Variants in LHFPL6 observed in about 807,000 individuals in gnomAD.
LHFPL6 encodes LHFPL tetraspan subfamily member 6, also known as LHFPL tetraspan subfamily member 6 protein.
In LHFPL6, 9 loss-of-function variants were observed where a neutral mutation model predicts 20.6. The observed-to-expected ratio is 0.44, with a 90% CI of 0.26 to 0.76. LHFPL6 has a LOEUF of 0.76. Among genes scored for constraint, LHFPL6 ranks in the 30% least tolerant of loss-of-function variants. LHFPL6 has a pLI of 0.20. For synonymous variants in LHFPL6, 105 were observed against 98.7 expected (o/e 1.06, Z -0.38); for missense variants, 218 against 253.5 (o/e 0.86, Z 0.95).
chr13:39,567,385 C>T (rs1280517815), intron 2 of LHFPL6, among the ~76,000 whole-genome samples: 2 of 152,128 alleles, frequency 1.3e-5, no homozygotes, highest in Non-Finnish European at 2.9e-5. Flanking sequence ...CTTCATATTA[C>T]GAAGACTATA....
chr13:39,549,893 C>T (rs933165417), intron 2 of LHFPL6, among the ~76,000 whole-genome samples: 1 of 151,948 alleles, frequency 6.6e-6, no homozygotes, highest in African/African-American at 2.4e-5. Context: ...TCAAATGCAT[C>T]ATCCTGAGTA....
chr13:39,356,603 GAT>G (rs1158913248), intron 3 of LHFPL6, among the ~76,000 whole-genome samples: 1 of 152,170 alleles, frequency 6.6e-6, no homozygotes, highest in Non-Finnish European at 1.5e-5. Context: ...GGATGCACAT[GAT>G]AGATAGACTG....
rs1869391178 is a variant in LHFPL6, at chr13:39,346,007, C to G, written c.485-1953G>C. Among the ~76,000 whole-genome samples, 4 of 152,310 alleles carry G rather than the reference C, an allele frequency of 2.6e-5. 1 individual carries two copies. In the South Asian group the frequency reaches 8.3e-4, roughly 32 times the overall value. ...GGGGTGGGGTTTGCATAGACCTGCT[C>G]ACCGCGGAACACAGCCACTTTTACC... On this transcript the variant is annotated intron_variant, in intron 3 of 3. Coordinates refer to ENST00000379589, the MANE Select transcript of LHFPL6 (RefSeq NM_005780.3).
chr13:39,485,985 G>T (rs1187225639), intron 2 of LHFPL6, among the ~76,000 whole-genome samples: 1 of 151,980 alleles, frequency 6.6e-6, no homozygotes, highest in Non-Finnish European at 1.5e-5. Flanking sequence ...ATTATCATTC[G>T]CATTTTACTG....
intron 2 of LHFPL6, among the ~76,000 whole-genome samples, chr13:39,458,687 C>G (rs1872625558): frequency 1.4e-5 from 2 of 145,566 alleles, no homozygotes; most frequent in Non-Finnish European, 3.0e-5. Flanking sequence ...ACAGCAATAC[C>G]CTGCCTAAAA....
intron 2 of LHFPL6, among the ~76,000 whole-genome samples, chr13:39,559,023 T>C (rs1359975727): frequency 2.0e-5 from 3 of 152,132 alleles, no homozygotes; most frequent in East Asian, 1.9e-4. Flanking sequence ...GCCTCCCCGA[T>C]GGAGAGGTGC....
chr13:39,582,743 T>C (rs977017257), intron 2 of LHFPL6, among the ~76,000 whole-genome samples: 1 of 152,186 alleles, frequency 6.6e-6, no homozygotes, highest in African/African-American at 2.4e-5. Context: ...CTTGAGGATA[T>C]CAACCAAACA....
intron 2 of LHFPL6, among the ~76,000 whole-genome samples, chr13:39,564,881 C>G (rs1282921478): frequency 6.6e-6 from 1 of 152,166 alleles, no homozygotes. Context: ...GTTCTGTAAA[C>G]TCTGTCTCTA....
chr13:39,533,936 T>C (rs568270156), intron 2 of LHFPL6, among the ~76,000 whole-genome samples: 6 of 152,182 alleles, frequency 3.9e-5, no homozygotes, highest in Non-Finnish European at 8.8e-5. Flanking sequence ...GGGTTGTACA[T>C]GTGATTGGCT....
At chr13:39,437,436 TGG>T (rs1468197408) in intron 2 of LHFPL6, among the ~76,000 whole-genome samples, 2 of 152,188 alleles carry the variant, frequency 1.3e-5, no homozygotes, top group Non-Finnish European at 1.5e-5. Context: ...CCTCTTGCTT[TGG>T]CTATGGGAAA....
chr13:39,431,717 T>TGG (rs34788149), intron 2 of LHFPL6, among the ~76,000 whole-genome samples: 7,317 of 94,298 alleles, frequency 0.078, 501 homozygotes, highest in Non-Finnish European at 0.1. Context: ...GTAGAATTTG[T>TGG]GGGGGGGGGG....
chr13:39,510,183 C>A (rs183500144), intron 2 of LHFPL6, among the ~76,000 whole-genome samples: 1 of 152,280 alleles, frequency 6.6e-6, no homozygotes, highest in East Asian at 1.9e-4. Flanking sequence ...ACAATCAAAG[C>A]ACTTCACGTG....
chr13:39,542,655 C>A (rs913574541), intron 2 of LHFPL6, among the ~76,000 whole-genome samples: 9 of 152,214 alleles, frequency 5.9e-5, no homozygotes, highest in African/African-American at 2.2e-4. Flanking sequence ...TGGGAATCCA[C>A]CCTGCCTGAG....
At chr13:39,600,499 TTGTC>T (rs1481220532) in intron 2 of LHFPL6, among the ~76,000 whole-genome samples, 1 of 152,236 alleles carries the variant, frequency 6.6e-6, no homozygotes, top group Non-Finnish European at 1.5e-5. Context: ...GATAATCTAA[TTGTC>T]TATTGTTTAA....
chr13:39,467,518 C>T (rs1197790792), intron 2 of LHFPL6, among the ~76,000 whole-genome samples: 4 of 152,146 alleles, frequency 2.6e-5, no homozygotes, highest in East Asian at 1.9e-4. Flanking sequence ...CTGCTCCTGT[C>T]GCTGACTCTT....
intron 2 of LHFPL6, among the ~76,000 whole-genome samples, chr13:39,394,705 A>C (rs1006938273): frequency 1.3e-5 from 2 of 152,190 alleles, no homozygotes; most frequent in African/African-American, 2.4e-5. Context: ...TTTTGGGTTT[A>C]TCTCGTGGCT....
chr13:39,538,467 G>A (rs905340425), intron 2 of LHFPL6, among the ~76,000 whole-genome samples: 8 of 146,152 alleles, frequency 5.5e-5, no homozygotes, highest in Admixed American at 2.8e-4. Context: ...AAGTAAATCC[G>A]GGTCAGAGAG....
intron 2 of LHFPL6, among the ~76,000 whole-genome samples, chr13:39,534,074 A>G (rs371640576): frequency 7.7e-4 from 118 of 152,292 alleles, no homozygotes; most frequent in African/African-American, 2.5e-3. Flanking sequence ...GATCTATAAC[A>G]CCAAAGAAAT....
chr13:39,398,839 G>A (rs894695788), intron 2 of LHFPL6, among the ~76,000 whole-genome samples: 2 of 152,268 alleles, frequency 1.3e-5, no homozygotes, highest in East Asian at 1.9e-4. Flanking sequence ...AAGGATCTAC[G>A]TTGTGCACTC....
Sources: allele counts gnomAD v4.1 joint callset (sites outside exome capture counted in the v4.1 genomes callset), GRCh38; gene constraint gnomAD v4.1.1; transcripts MANE v1.5; gene names NCBI Gene and HGNC (gene_info 2026-07-23, HGNC 2026-07-21).